PDE4D: variants seen among roughly 807,000 people sequenced by gnomAD.
The protein encoded by PDE4D is 3',5'-cyclic-AMP phosphodiesterase 4D.
In PDE4D, 24 loss-of-function variants were observed where a neutral mutation model predicts 87.4. The observed-to-expected ratio is 0.27, with a 90% confidence interval of 0.20 to 0.39. PDE4D has a LOEUF of 0.39. Among genes scored for constraint, PDE4D ranks in the 10% least tolerant of loss-of-function variants. PDE4D has a pLI of 1.00. For synonymous variants in PDE4D, 384 were observed against 383.2 expected (o/e 1.00, Z -0.02); for missense variants, 714 against 1,041.0 (o/e 0.69, Z 4.32).
chr5:60,205,927 G>A (rs1742467931), intron 1 of PDE4D, among the ~76,000 whole-genome samples: 1 of 152,098 alleles, frequency 6.6e-6, no homozygotes, highest in East Asian at 1.9e-4. Context: ...AAATATGCAT[G>A]ACAGGGAAAA....
chr5:60,078,128 G>A (rs1166460120), intron 2 of PDE4D, among the ~76,000 whole-genome samples: 1 of 152,108 alleles, frequency 6.6e-6, no homozygotes, highest in African/African-American at 2.4e-5. Context: ...ATATTCTCCA[G>A]TCCAGAGACT....
intron 1 of PDE4D, among the ~76,000 whole-genome samples, chr5:59,341,692 A>C (rs577347583): frequency 7.9e-4 from 121 of 152,302 alleles, no homozygotes; most frequent in Middle Eastern, 3.4e-3. Flanking sequence ...GTATGTATGC[A>C]TGGCGTAACT....
chr5:59,161,850 T>C (rs1014282036), intron 5 of PDE4D, among the ~76,000 whole-genome samples: 7 of 152,250 alleles, frequency 4.6e-5, no homozygotes, highest in African/African-American at 1.7e-4. Context: ...AAGTTTTCTC[T>C]TGGTCTTCTT....
chr5:60,384,629 G>C (rs1244666434), intron 1 of PDE4D, among the ~76,000 whole-genome samples: 1 of 152,066 alleles, frequency 6.6e-6, no homozygotes, highest in Non-Finnish European at 1.5e-5. Context: ...CTTCACTGTA[G>C]CAAGTTCCTC....
At chr5:60,069,350 C>T (rs1172861284) in intron 2 of PDE4D, among the ~76,000 whole-genome samples, 1 of 152,156 alleles carries the variant, frequency 6.6e-6, no homozygotes, top group Non-Finnish European at 1.5e-5. Context: ...TGAGAAGGCA[C>T]TAACTATGAG....
In PDE4D at chr5:59,622,485, G is replaced by T. The variant is rs144785810; in HGVS notation, c.455+270683C>A. On this transcript the variant is annotated intron_variant, in intron 1 of 14. Coordinates refer to ENST00000340635, the MANE Select transcript of PDE4D (RefSeq NM_001104631.2). ...ATCTCCATCCAAGTTCAGATCTCAA[G>T]TCTATGATCTTGACTACCTTAATGT... Among the ~76,000 whole-genome samples, 36 of 152,268 alleles carry T rather than the reference G, an allele frequency of 2.4e-4. 1 individual carries two copies. The highest frequency in any genetic ancestry group is 1.4e-3 in the Admixed American group (22 of 15,284).
chr5:60,398,154 T>C (rs1763016943), intron 1 of PDE4D, among the ~76,000 whole-genome samples: 1 of 152,222 alleles, frequency 6.6e-6, no homozygotes. Context: ...AATTAGCTCT[T>C]AGTGCCCAGC....
chr5:59,013,218 C>A (rs986140568), intron 6 of PDE4D, among the ~76,000 whole-genome samples: 2 of 151,918 alleles, frequency 1.3e-5, no homozygotes, highest in South Asian at 4.2e-4. Context: ...AAATTGACAC[C>A]CTAACATCAC....
chr5:60,008,233 T>G (rs1222325751), intron 2 of PDE4D, among the ~76,000 whole-genome samples: 1 of 151,948 alleles, frequency 6.6e-6, no homozygotes, highest in Non-Finnish European at 1.5e-5. Flanking sequence ...CCAGTCCTTT[T>G]TTATCCCCCC....
intron 1 of PDE4D, among the ~76,000 whole-genome samples, chr5:59,495,596 A>C (rs1013446000): frequency 6.6e-6 from 1 of 152,206 alleles, no homozygotes; most frequent in Non-Finnish European, 1.5e-5. Context: ...CTTGGATGCG[A>C]TAGAGAAGAG....
chr5:59,384,128 A>T (rs73095430), intron 1 of PDE4D, among the ~76,000 whole-genome samples: 19,146 of 151,698 alleles, frequency 0.13, 3,651 homozygotes, highest in African/African-American at 0.41. Context: ...CTGGTCATGA[A>T]CTCCTGGACT....
chr5:60,305,226 A>G (rs1337013895), intron 1 of PDE4D, among the ~76,000 whole-genome samples: 2 of 152,160 alleles, frequency 1.3e-5, no homozygotes, highest in South Asian at 2.1e-4. Context: ...AAACAGGATG[A>G]AATGAAGAGG....
intron 1 of PDE4D, among the ~76,000 whole-genome samples, chr5:59,614,682 G>A (rs572626535): frequency 2.0e-5 from 3 of 152,182 alleles, no homozygotes; most frequent in South Asian, 2.1e-4. Context: ...CAACACCAAC[G>A]GAGTAATTCA....
intron 1 of PDE4D, among the ~76,000 whole-genome samples, chr5:59,605,582 G>A (rs1038511524): frequency 5.3e-5 from 8 of 152,136 alleles, no homozygotes; most frequent in Middle Eastern, 6.8e-3. Context: ...TTTATCCCAG[G>A]AGTACCAACA....
At chr5:59,452,328 A>C (rs1274885537) in intron 1 of PDE4D, among the ~76,000 whole-genome samples, 1 of 152,206 alleles carries the variant, frequency 6.6e-6, no homozygotes, top group African/African-American at 2.4e-5. Context: ...CTTCCGACTA[A>C]GCTAAAAGAA....
intron 2 of PDE4D, among the ~76,000 whole-genome samples, chr5:60,077,839 C>G (rs1178679980): frequency 6.6e-6 from 1 of 152,158 alleles, no homozygotes; most frequent in Admixed American, 6.5e-5. Flanking sequence ...TTCCAGAGAT[C>G]CATGCGAGAG....
At chr5:59,575,880 G>A (rs1583190977) in intron 1 of PDE4D, among the ~76,000 whole-genome samples, 1 of 152,084 alleles carries the variant, frequency 6.6e-6, no homozygotes, top group Non-Finnish European at 1.5e-5. Flanking sequence ...CACATCAGTC[G>A]ATTCTTGCTG....
intron 1 of PDE4D, among the ~76,000 whole-genome samples, chr5:59,622,458 TCATCTC>T (rs974504515): frequency 8.5e-5 from 13 of 152,306 alleles, no homozygotes; most frequent in African/African-American, 2.9e-4. Flanking sequence ...GTGTAGTTCA[TCATCTC>T]CATCCAAGTT....
intron 1 of PDE4D, among the ~76,000 whole-genome samples, chr5:59,325,781 T>C (rs1366280887): frequency 6.6e-6 from 1 of 152,144 alleles, no homozygotes. Flanking sequence ...AATTTCTATG[T>C]GTGGAGGGGT....
Sources: gnomAD v4.1 joint callset for allele counts (sites outside exome capture counted in the v4.1 genomes callset) on GRCh38, gnomAD v4.1.1 for gene constraint, MANE v1.5 for transcripts, NCBI Gene and HGNC (gene_info 2026-07-23, HGNC 2026-07-21) for gene names.